SYNE2: variants seen among roughly 807,000 people sequenced by gnomAD.
The protein encoded by SYNE2 is nesprin-2.
SYNE2 carries 431 observed loss-of-function variants against 856.3 expected under a neutral mutation model. The observed-to-expected ratio is 0.50, with a 90% CI of 0.47 to 0.55. SYNE2 has a LOEUF of 0.55. Among genes scored for constraint, SYNE2 ranks in the 20% least tolerant of loss-of-function variants. SYNE2 has a pLI of 0.00. For missense variants in SYNE2, 8,129 were observed against 8,023.2 expected (o/e 1.01, Z -0.50); for synonymous variants, 2,923 against 2,872.3 (o/e 1.02, Z -0.56).
intron 87 of SYNE2, among the ~76,000 whole-genome samples, chr14:64,161,801 G>C (rs1252129471): frequency 6.6e-6 from 1 of 151,764 alleles, no homozygotes; most frequent in African/African-American, 2.4e-5. Context: ...AAAAAAGAGA[G>C]TGAAACATTC....
In SYNE2 at chr14:64,046,343, T is replaced by G. The variant is rs564967688; in HGVS notation, c.7222-1657T>G. 1.1e-4 allele frequency among the ~76,000 whole-genome samples: 17 copies of G among 152,330 alleles called. No individual in the cohort carries two copies. In the South Asian group the frequency reaches 3.1e-3, roughly 28 times the overall value. The stretch of plus-strand genomic sequence containing the variant: ...CTACTGATTGGCTTAAGACATAATT[T>G]ATCCTTTCTTTGTTTTTGAAATCAA... On this transcript the variant is annotated intron_variant, in intron 45 of 115. Transcript: ENST00000555002.
intron 99 of SYNE2, among the ~76,000 whole-genome samples, chr14:64,198,566 G>A (rs2098549295): frequency 6.6e-6 from 1 of 152,152 alleles, no homozygotes; most frequent in Non-Finnish European, 1.5e-5. Flanking sequence ...TGGAGTTTGG[G>A]ATATACCGGC....
At chr14:63,941,264 A>G (rs1241776055) in intron 3 of SYNE2, among the ~76,000 whole-genome samples, 3 of 152,212 alleles carry the variant, frequency 2.0e-5, no homozygotes, top group Admixed American at 6.5e-5. Context: ...TAGATACACA[A>G]TGAATGAGCC....
Position 64,089,663 on chromosome 14 carries a change from T to C in SYNE2, c.11760T>C (p.Asp3920=), listed in dbSNP as rs1424291007. 2 of 1,598,224 alleles carry C rather than the reference T, an allele frequency of 1.3e-6. No individual in the cohort carries two copies. The highest frequency in any genetic ancestry group is 1.7e-5 in the Admixed American group (1 of 59,902). The part of the protein sequence containing the change: ...KTILLSKEIF[D]FSPEEHLKHG... ...TCCTATTATCAAAAGAAATATTTGA[T>C]TTTTCACCTGAAGAACATCTCAAAC... Residue 3920 remains aspartate, a synonymous_variant, in exon 59 of 116, where the codon GAT becomes GAC. Coordinates refer to ENST00000555002, the MANE Select transcript of SYNE2 (RefSeq NM_182914.3).
intron 98 of SYNE2, among the ~76,000 whole-genome samples, chr14:64,189,600 T>C (rs1380754897): frequency 1.3e-5 from 2 of 152,258 alleles, no homozygotes; most frequent in Admixed American, 6.5e-5. Context: ...CTATTAAAAA[T>C]AATTATTGCC....
chr14:63,835,045 TTTA>T (rs1475925991), intron 1 of SYNE2, among the ~76,000 whole-genome samples: 1 of 152,154 alleles, frequency 6.6e-6, no homozygotes, highest in African/African-American at 2.4e-5. Context: ...TAAAGCTTCT[TTTA>T]TTTATTCATT....
chr14:63,877,142 T>G (rs2094743503), intron 1 of SYNE2, among the ~76,000 whole-genome samples: 1 of 152,120 alleles, frequency 6.6e-6, no homozygotes, highest in Non-Finnish European at 1.5e-5. Flanking sequence ...CGTTAATAAA[T>G]TATGTTTGGG....
chr14:64,163,346 G>A (rs2098343233), intron 88 of SYNE2, 56 bp from the exon 89 acceptor site: 1 of 1,596,042 alleles, frequency 6.3e-7, no homozygotes, highest in Non-Finnish European at 8.6e-7. Flanking sequence ...GCAGCGGGTA[G>A]GGAATTGTGG....
chr14:64,218,416 C>G lies in SYNE2; in HGVS notation c.19561C>G (p.Pro6521Ala), dbSNP rs1429811156. 1.2e-6 allele frequency: 2 copies of G among 1,614,052 alleles called. No homozygotes were observed. Among genetic ancestry groups the G allele is most frequent in the Admixed American group, 3.3e-5 (2 of 60,010 alleles). ...KPPYGKLLLP[P>A]GTDGGKEGPR... ...ATTCTAGGGAAAGCTACTATTACCT[C>G]CAGGCACGGATGGTGGCAAAGAAGG... The change falls in exon 109 of 116, where the codon CCA becomes GCA. Residue 6521 changes from proline to alanine, a missense_variant. Pro to Ala is a conservative substitution (Grantham distance 27). This residue lies in a region of SYNE2 where 5,410 missense variants were observed against 5,284.8 expected (regional missense o/e 1.02). Coordinates refer to ENST00000555002, the MANE Select transcript of SYNE2 (RefSeq NM_182914.3).
At chr14:64,040,078 C>T (rs368563593) in intron 45 of SYNE2, among the ~76,000 whole-genome samples, 3 of 152,310 alleles carry the variant, frequency 2.0e-5, no homozygotes, top group South Asian at 4.1e-4. Context: ...AAGAAATTAA[C>T]ATGACAATCA....
Position 63,974,892 on chromosome 14 carries a change from GTATATATATATATA to G in SYNE2, c.1129-1659_1129-1646del, listed in dbSNP as rs145247655. Among the ~76,000 whole-genome samples, 470 of 67,308 alleles carry G rather than the reference GTATATATATATATA, an allele frequency of 7.0e-3. 17 individuals are homozygous for G. Among genetic ancestry groups the G allele is most frequent in the Middle Eastern group, 8.8e-3 (1 of 114 alleles). The allele number at this position is 67,308 out of a possible 152,430, so 44.2% of individuals were successfully genotyped here. A position where few individuals can be genotyped will look rare whatever the true frequency, so the allele number is the denominator to read the frequency against. On this transcript the variant is annotated intron_variant, in intron 11 of 115. Transcript: ENST00000555002. Reference sequence around the variant, plus strand: ...TGTGTGTGTGTGTGTGTGTGTGTGTGTATATATATATATATATATATATATGTATCTTGAGACAG... The same window carrying G: ...TGTGTGTGTGTGTGTGTGTGTGTGTGTATATATATATGTATCTTGAGACAG...
intron 45 of SYNE2, among the ~76,000 whole-genome samples, chr14:64,040,359 T>C (rs931204333): frequency 4.0e-5 from 6 of 151,608 alleles, no homozygotes; most frequent in African/African-American, 1.5e-4. Flanking sequence ...AAGAAGAAAT[T>C]GAAATCATAA....
chr14:63,936,855 T>C (rs777697960), intron 2 of SYNE2, among the ~76,000 whole-genome samples: 2 of 152,098 alleles, frequency 1.3e-5, no homozygotes, highest in African/African-American at 4.8e-5. Context: ...GATGGTGACT[T>C]GGGCCAGGGT....
chr14:63,821,778 G>A (rs1266668899), intron 1 of SYNE2, among the ~76,000 whole-genome samples: 1 of 151,600 alleles, frequency 6.6e-6, no homozygotes, highest in Non-Finnish European at 1.5e-5. Flanking sequence ...AATGGAGTAA[G>A]GACCTATGAA....
chr14:63,896,590 A>G lies in SYNE2; in HGVS notation c.-51-12508A>G, dbSNP rs566007339. Among the ~76,000 whole-genome samples, 3 of 152,308 alleles carry G rather than the reference A, an allele frequency of 2.0e-5. No individual in the cohort carries two copies. In the East Asian group the frequency reaches 5.8e-4, roughly 29 times the overall value. ...GAAAGTCTGAATGTTGGCCTGGACAAAATCATTACCCTCATTTAACAGATG... is the reference window on the plus strand; with the variant it reads ...GAAAGTCTGAATGTTGGCCTGGACAGAATCATTACCCTCATTTAACAGATG... On this transcript the variant is annotated intron_variant, in intron 1 of 115. Coordinates refer to ENST00000555002, the MANE Select transcript of SYNE2 (RefSeq NM_182914.3).
In SYNE2 at chr14:64,129,914, A is replaced by C; in HGVS notation, c.14139+13A>C. The stretch of plus-strand genomic sequence containing the variant: ...TTACAAATTAGAGGTATGCCTGAGC[A>C]GAAAACATTGACTCAGCACTGTGAT... On this transcript the variant is annotated intron_variant, in intron 75 of 115. Transcript: ENST00000555002. 1 of 1,614,184 alleles carries C rather than the reference A, an allele frequency of 6.2e-7. No individual in the cohort carries two copies. Among genetic ancestry groups the C allele is most frequent in the Non-Finnish European group, 8.5e-7 (1 of 1,180,038 alleles).
intron 66 of SYNE2, 94 bp from the exon 67 acceptor site, chr14:64,119,333 C>T: frequency 6.7e-7 from 1 of 1,496,260 alleles, no homozygotes. Flanking sequence ...TTCTTGTATA[C>T]ACTTAAGTAA....
At chr14:63,910,254 T>C (rs1247436673) in intron 2 of SYNE2, among the ~76,000 whole-genome samples, 4 of 152,244 alleles carry the variant, frequency 2.6e-5, no homozygotes, top group Admixed American at 6.5e-5. Flanking sequence ...TTTTTTCTGA[T>C]ATTTTCCTTT....
At chr14:64,007,312 C>T (rs1567036064) in intron 31 of SYNE2, 90 bp downstream of exon 31, 4 of 1,215,400 alleles carry the variant, frequency 3.3e-6, no homozygotes, top group Middle Eastern at 2.0e-4. Flanking sequence ...AACACATCTC[C>T]GTGGACCCAA....
Sources: allele counts gnomAD v4.1 joint callset (sites outside exome capture counted in the v4.1 genomes callset), GRCh38; gene constraint gnomAD v4.1.1; regional missense constraint gnomAD v4.1.1; transcripts MANE v1.5; gene names NCBI Gene and HGNC (gene_info 2026-07-23, HGNC 2026-07-21).